The following CEMIP variants were observed in gnomAD, a reference collection of about 807,000 sequenced individuals.
CEMIP encodes the protein cell migration-inducing and hyaluronan-binding protein.
A neutral mutation model predicts 156.9 loss-of-function variants in CEMIP; 105 were observed. That is an observed-to-expected ratio of 0.67 (90% CI 0.57 to 0.79). The LOEUF (loss-of-function observed/expected upper bound fraction) is 0.79. CEMIP is among the 30% of genes least tolerant of loss of function. The pLI is 0.00. For synonymous variants in CEMIP, 676 were observed against 668.4 expected (o/e 1.01, Z -0.17); for missense variants, 1,457 against 1,769.4 (o/e 0.82, Z 3.17).
chr15:80,846,313 C>T (rs1897555897), intron 1 of CEMIP, among the ~76,000 whole-genome samples: 1 of 152,224 alleles, frequency 6.6e-6, no homozygotes, highest in African/African-American at 2.4e-5. Context: ...CGCTCTTCCC[C>T]CGTCTCTCTC....
At position 80,906,962 on chromosome 15, in the gene CEMIP, C is replaced by G. The variant is rs957641213; in HGVS notation, c.1587+124C>G. ...ACAGGAGGTGGGATCAAGGGGAGGG[C>G]GCCTTCTGGAAGTTTGAGAAGTCTT... On this transcript the variant is annotated intron_variant, in intron 13 of 29. Transcript: ENST00000394685. The surrounding 1 kb of genome is among the most constrained non-coding windows in gnomAD (Gnocchi z 4.3). 1 of 1,062,000 alleles carries G rather than the reference C, an allele frequency of 9.4e-7. No individual in the cohort carries two copies. The highest frequency in any genetic ancestry group is 2.6e-5 in the East Asian group (1 of 38,580). 65.8% of individuals were successfully genotyped at this position (1,062,000 alleles called of 1,614,324 possible). A position where few individuals can be genotyped will look rare whatever the true frequency, so the allele number is the denominator to read the frequency against.
At chr15:80,839,522 G>A (rs1320723411) in intron 1 of CEMIP, among the ~76,000 whole-genome samples, 1 of 152,160 alleles carries the variant, frequency 6.6e-6, no homozygotes, top group African/African-American at 2.4e-5. Context: ...AGCGAAGCCG[G>A]CCAGACCTCC....
At chr15:80,933,164 G>A (rs1057464801) in intron 22 of CEMIP, 81 bp from the exon 23 acceptor site, 6 of 1,287,222 alleles carry the variant, frequency 4.7e-6, no homozygotes, top group South Asian at 2.5e-5. Context: ...AGTGGAAATC[G>A]GAAACCTCGC....
chr15:80,933,564 G>C (rs538952581), intron 23 of CEMIP, 104 bp downstream of exon 23: 4 of 852,026 alleles, frequency 4.7e-6, no homozygotes, highest in East Asian at 2.7e-5. Flanking sequence ...GCCAGAAAGA[G>C]ATACAGAATT....
chr15:80,900,515 C>T (rs1899436186), intron 12 of CEMIP, among the ~76,000 whole-genome samples: 2 of 151,280 alleles, frequency 1.3e-5, no homozygotes, highest in African/African-American at 2.4e-5. Flanking sequence ...CTTTGCCCTG[C>T]CGAGGAGCTG....
At chr15:80,893,184 A>C (rs1899092302) in intron 10 of CEMIP, among the ~76,000 whole-genome samples, 2 of 152,012 alleles carry the variant, frequency 1.3e-5, no homozygotes, top group African/African-American at 4.8e-5. Flanking sequence ...TCTGTCTCAA[A>C]ATAAATAAAT....
chr15:80,827,942 C>T (rs1897075690), intron 1 of CEMIP, among the ~76,000 whole-genome samples: 1 of 152,144 alleles, frequency 6.6e-6, no homozygotes, highest in Admixed American at 6.5e-5. Flanking sequence ...TTGAAACAGT[C>T]TCATACCACC....
At chr15:80,860,004 C>T (rs923482602) in intron 1 of CEMIP, among the ~76,000 whole-genome samples, 2 of 152,094 alleles carry the variant, frequency 1.3e-5, no homozygotes, top group African/African-American at 2.4e-5. Flanking sequence ...CCCTGTCTCC[C>T]ACTCATACAC....
chr15:80,892,492 G>A (rs1899063991), intron 10 of CEMIP, among the ~76,000 whole-genome samples: 1 of 152,160 alleles, frequency 6.6e-6, no homozygotes, highest in Non-Finnish European at 1.5e-5. Context: ...CTACTGGACT[G>A]AGATTTCCTT....
intron 1 of CEMIP, among the ~76,000 whole-genome samples, chr15:80,804,810 G>T (rs1375424432): frequency 1.3e-5 from 2 of 152,162 alleles, no homozygotes; most frequent in Non-Finnish European, 2.9e-5. Flanking sequence ...CAGAGTTCTT[G>T]TCATAGTACT....
rs772508274 is a variant in CEMIP at position 80,924,755 on chromosome 15, C to T, written c.2288+49C>T. 9.8e-5 allele frequency: 143 copies of T among 1,453,986 alleles called. No individual in the cohort carries two copies. In the South Asian group the frequency reaches 1.2e-3, roughly 12 times the overall value. 90.1% of individuals were successfully genotyped at this position (1,453,986 alleles called of 1,614,324 possible). ...AGTCCACGGTGACCTTGCAGTCCAGCTCCTGCCTCCCCCTCCTTCAATCAC... is the reference window on the plus strand; with the variant it reads ...AGTCCACGGTGACCTTGCAGTCCAGTTCCTGCCTCCCCCTCCTTCAATCAC... On this transcript the variant is annotated intron_variant, in intron 18 of 29. Coordinates refer to ENST00000394685, the MANE Select transcript of CEMIP (RefSeq NM_001293298.2).
rs891850672 is a variant in CEMIP at position 80,815,298 on chromosome 15, T to C, written c.-176+35684T>C. ...TATCCTGTGGCCTGCCTGGCCCAATTCCCAGTGCTGTGGTGAAGACCAGAT... is the reference window on the plus strand; with the variant it reads ...TATCCTGTGGCCTGCCTGGCCCAATCCCCAGTGCTGTGGTGAAGACCAGAT... On this transcript the variant is annotated intron_variant, in intron 1 of 29. Coordinates refer to ENST00000394685, the MANE Select transcript of CEMIP (RefSeq NM_001293298.2). 5.3e-5 allele frequency among the ~76,000 whole-genome samples: 8 copies of C among 152,368 alleles called. No homozygotes were observed. In the South Asian group the frequency reaches 1.7e-3, roughly 32 times the overall value.
chr15:80,914,235 T>C (rs768854691), intron 14 of CEMIP, among the ~76,000 whole-genome samples: 7 of 152,222 alleles, frequency 4.6e-5, no homozygotes, highest in Non-Finnish European at 8.8e-5. Flanking sequence ...AATGGAATGG[T>C]CCAGTACTTT....
intron 12 of CEMIP, among the ~76,000 whole-genome samples, chr15:80,900,217 C>T (rs1164451377): frequency 6.6e-6 from 1 of 152,216 alleles, no homozygotes; most frequent in Non-Finnish European, 1.5e-5. Context: ...ATTTCTGCCT[C>T]AGCCTACAGT....
intron 28 of CEMIP, among the ~76,000 whole-genome samples, chr15:80,945,035 G>T (rs1433868901): frequency 1.3e-5 from 2 of 152,210 alleles, no homozygotes; most frequent in Non-Finnish European, 2.9e-5. Flanking sequence ...TACTGTGGCT[G>T]CGGGCCCTGC....
chr15:80,831,474 T>A (rs897217368), intron 1 of CEMIP, among the ~76,000 whole-genome samples: 1 of 152,022 alleles, frequency 6.6e-6, no homozygotes, highest in Non-Finnish European at 1.5e-5. Context: ...TAGGGCTAAG[T>A]TGGGGGGACA....
chr15:80,853,696 C>T (rs1344112063), intron 1 of CEMIP, among the ~76,000 whole-genome samples: 2 of 152,192 alleles, frequency 1.3e-5, no homozygotes, highest in Non-Finnish European at 2.9e-5. Context: ...TAAGGGCGAG[C>T]ATTGTTTTCT....
At chr15:80,948,219 T>C (rs538396981) in intron 29 of CEMIP, 33 of 175,114 alleles carry the variant, frequency 1.9e-4, no homozygotes, top group Non-Finnish European at 3.6e-4. Flanking sequence ...TGGATTCCCA[T>C]GCCCCTCGGA....
At chr15:80,897,882 T>G (rs181718881) in intron 12 of CEMIP, among the ~76,000 whole-genome samples, 1 of 152,310 alleles carries the variant, frequency 6.6e-6, no homozygotes, top group East Asian at 1.9e-4. Context: ...CACAAATTAC[T>G]TAACTATCAT....
Sources: gnomAD v4.1 joint callset for allele counts (sites outside exome capture counted in the v4.1 genomes callset) on GRCh38, gnomAD v4.1.1 for gene constraint, Gnocchi (gnomAD v3.1) non-coding constraint, MANE v1.5 for transcripts, NCBI Gene and HGNC (gene_info 2026-07-23, HGNC 2026-07-21) for gene names.